Variants in GTF2I observed in about 807,000 individuals in gnomAD.
The protein encoded by GTF2I is general transcription factor IIi.
Under a neutral mutation model 67.6 loss-of-function variants are expected in GTF2I, and 12 were observed. The ratio of observed to expected loss-of-function variants is 0.18; its 90% confidence interval spans 0.11 to 0.29. The LOEUF (loss-of-function observed/expected upper bound fraction) is 0.29, where lower values mean the gene tolerates loss of function less well. Ranked by LOEUF, GTF2I falls within the 10% of genes least tolerant of loss-of-function variation. GTF2I has a pLI of 1.00. For missense variants in GTF2I, 271 were observed against 580.1 expected, an observed-to-expected ratio of 0.47 and a Z score of 5.47; for synonymous variants, 149 against 197.0, an observed-to-expected ratio of 0.76 and a Z score of 2.04.
chr7:74,696,858 C>G (rs1446552509), intron 3 of GTF2I, among the ~76,000 whole-genome samples: 1 of 152,044 alleles, frequency 6.6e-6, no homozygotes, highest in African/African-American at 2.4e-5. Flanking sequence ...CAATAATGGT[C>G]TTCTGGAAGG....
Position 74,700,644 on chromosome 7 carries a change from T to C in GTF2I, c.586+10T>C, listed in dbSNP as rs1789600298. Reference sequence around the variant, plus strand: ...CCAAAGAAGCATGTAGGTAAGTAAGTGCTTTGCTTCCTTGATAGCTGGCTG... The same window carrying C: ...CCAAAGAAGCATGTAGGTAAGTAAGCGCTTTGCTTCCTTGATAGCTGGCTG... On this transcript the variant is annotated intron_variant, in intron 6 of 34. Transcript: ENST00000573035. The C allele has an allele frequency of 1.2e-6, 2 of 1,613,360 alleles. No homozygotes were observed. The highest frequency in any genetic ancestry group is 2.2e-5 in the South Asian group (2 of 91,068).
At chr7:74,694,264 T>C (rs1554397837) in intron 3 of GTF2I, among the ~76,000 whole-genome samples, 1 of 152,056 alleles carries the variant, frequency 6.6e-6, no homozygotes, top group Admixed American at 6.6e-5. Context: ...AATTGGAAGC[T>C]AGCAGAGGTT....
chr7:74,723,470 G>T (rs1464802417), intron 12 of GTF2I, among the ~76,000 whole-genome samples: 1 of 107,136 alleles, frequency 9.3e-6, no homozygotes, highest in Non-Finnish European at 1.7e-5. Context: ...TTGCTCTGTT[G>T]CCCAGGCTGG....
rs1231452753 is a variant in GTF2I at position 74,705,234 on chromosome 7, A to T, written c.641+16A>T. The T allele has an allele frequency of 6.7e-7, 1 of 1,502,238 alleles. No individual in the cohort carries two copies. Among genetic ancestry groups the T allele is most frequent in the Non-Finnish European group, 9.3e-7 (1 of 1,078,680 alleles). The allele number at this position is 1,502,238 out of a possible 1,614,324, so 93.1% of individuals were successfully genotyped here. On this transcript the variant is annotated intron_variant, in intron 7 of 34. Transcript: ENST00000573035. ...CAGGTGGAAGGTAAAACCTAATTTC[A>T]TTACTGCTGTTTAACTCCCACACCT...
chr7:74,732,692 T>G (rs782555735), intron 15 of GTF2I, 30 bp downstream of exon 15: 1 of 1,540,532 alleles, frequency 6.5e-7, no homozygotes, highest in Non-Finnish European at 8.7e-7. Context: ...GTTGAACTCT[T>G]GTCTCTTTTC....
chr7:74,692,200 A>G (rs1007541722), intron 3 of GTF2I, among the ~76,000 whole-genome samples: 8 of 151,582 alleles, frequency 5.3e-5, no homozygotes, highest in Non-Finnish European at 1.2e-4. Context: ...CAGCCTCTGG[A>G]GTAGCTGGGA....
At chr7:74,675,148 C>T (rs181401490) in intron 1 of GTF2I, among the ~76,000 whole-genome samples, 33 of 152,286 alleles carry the variant, frequency 2.2e-4, no homozygotes, top group Non-Finnish European at 3.1e-4. Flanking sequence ...CCATCCATCC[C>T]GGCCTAATAT....
At chr7:74,720,915 TAAAG>T (rs1291910488) in intron 12 of GTF2I, among the ~76,000 whole-genome samples, 1 of 152,176 alleles carries the variant, frequency 6.6e-6, no homozygotes, top group Non-Finnish European at 1.5e-5. Context: ...ATAAGACTTT[TAAAG>T]AAAGGTTACG....
chr7:74,707,130 A>G (rs368765239), intron 8 of GTF2I, among the ~76,000 whole-genome samples: 3 of 152,204 alleles, frequency 2.0e-5, no homozygotes, highest in African/African-American at 7.2e-5. Flanking sequence ...GATTACAGGC[A>G]TAAGCCACCG....
At chr7:74,706,559 T>C in intron 8 of GTF2I, 126 bp downstream of exon 8, 1 of 676,162 alleles carries the variant, frequency 1.5e-6, no homozygotes, top group East Asian at 2.6e-5. Flanking sequence ...TACTAATGTA[T>C]TCCAACTGTG....
At chr7:74,723,594 C>T (rs1488894330) in intron 12 of GTF2I, among the ~76,000 whole-genome samples, 4 of 151,412 alleles carry the variant, frequency 2.6e-5, no homozygotes, top group African/African-American at 9.7e-5. Context: ...CCATGTCCAG[C>T]CAATATTTTA....
intron 8 of GTF2I, among the ~76,000 whole-genome samples, chr7:74,708,918 C>G (rs782024419): frequency 6.6e-6 from 1 of 152,326 alleles, no homozygotes; most frequent in Middle Eastern, 3.4e-3. Context: ...CATTTTTACT[C>G]TCTCCTCAAA....
intron 1 of GTF2I, among the ~76,000 whole-genome samples, chr7:74,671,798 A>AC (rs1554390773): frequency 6.6e-6 from 1 of 152,028 alleles, no homozygotes; most frequent in Non-Finnish European, 1.5e-5. Context: ...CCTGGGCAAC[A>AC]TAGTGAGACC....
intron 1 of GTF2I, among the ~76,000 whole-genome samples, chr7:74,675,726 G>A (rs1355584372): frequency 2.0e-5 from 3 of 151,780 alleles, no homozygotes; most frequent in African/African-American, 7.3e-5. Flanking sequence ...AAAGAGAATG[G>A]GGGGCTGGGC....
intron 1 of GTF2I, among the ~76,000 whole-genome samples, chr7:74,676,665 T>C (rs1430762548): frequency 6.6e-6 from 1 of 152,214 alleles, no homozygotes. Context: ...AAATGTATAC[T>C]GACATTTTAG....
chr7:74,721,103 G>A (rs1484333591), intron 12 of GTF2I, among the ~76,000 whole-genome samples: 2 of 152,142 alleles, frequency 1.3e-5, no homozygotes, highest in East Asian at 1.9e-4. Context: ...GTGCATTGGC[G>A]CTATCTCGGC....
At chr7:74,667,538 C>T (rs1269104524) in intron 1 of GTF2I, among the ~76,000 whole-genome samples, 2 of 151,948 alleles carry the variant, frequency 1.3e-5, no homozygotes, top group South Asian at 2.1e-4. Context: ...GGGGGAGGGA[C>T]GGGATGTCAC....
At chr7:74,732,089 G>A (rs1794532455) in intron 14 of GTF2I, among the ~76,000 whole-genome samples, 1 of 146,928 alleles carries the variant, frequency 6.8e-6, no homozygotes, top group Non-Finnish European at 1.5e-5. Flanking sequence ...CTTCCTGTGT[G>A]TATATATATA....
At chr7:74,666,845 T>G (rs924892901) in intron 1 of GTF2I, among the ~76,000 whole-genome samples, 11 of 148,934 alleles carry the variant, frequency 7.4e-5, no homozygotes, top group Non-Finnish European at 1.5e-4. Flanking sequence ...CCAGGCGTGA[T>G]GGCGGGTGCC....
Sources: gnomAD v4.1 joint callset for allele counts (sites outside exome capture counted in the v4.1 genomes callset) on GRCh38, gnomAD v4.1.1 for gene constraint, MANE v1.5 for transcripts, NCBI Gene and HGNC (gene_info 2026-07-23, HGNC 2026-07-21) for gene names.